Variants in FASN observed in about 807,000 individuals in gnomAD.
FASN encodes the protein fatty acid synthase, also known as 3-hydroxyacyl-[acyl-carrier-protein] dehydratase.
FASN carries 50 observed loss-of-function variants against 250.0 expected under a neutral mutation model. That is an observed-to-expected ratio of 0.20 (90% CI 0.16 to 0.25). The LOEUF (loss-of-function observed/expected upper bound fraction) is 0.25, where lower values mean the gene tolerates loss of function less well. Among genes scored for constraint, FASN ranks in the 10% least tolerant of loss-of-function variants. The pLI is 1.00. For missense variants in FASN, 3,031 were observed against 3,498.5 expected (o/e 0.87, Z 3.37); for synonymous variants, 1,909 against 1,584.0 (o/e 1.21, Z -4.87).
Position 82,079,348 on chromosome 17 carries a change from C to T in FASN, c.7398+9G>A. On this transcript the variant is annotated intron_variant, in intron 42 of 42. Coordinates refer to ENST00000306749, the MANE Select transcript of FASN (RefSeq NM_004104.5). The stretch of plus-strand genomic sequence containing the variant: ...CCCTGTCCCCGTTCCCGTCAGGCCC[C>T]TTGCGCACCTGGGAGAGGTTGTAGT... 6.2e-7 allele frequency: 1 copy of T among 1,613,100 alleles called. No individual in the cohort carries two copies. The highest frequency in any genetic ancestry group is 8.5e-7 in the Non-Finnish European group (1 of 1,179,984).
chr17:82,083,930 G>A (rs1188772485), intron 29 of FASN, 39 bp from the exon 30 acceptor site: 1 of 1,549,816 alleles, frequency 6.5e-7, no homozygotes, highest in Non-Finnish European at 8.7e-7. Context: ...AGCCAGGGCG[G>A]CGGGGCCAGG....
chr17:82,080,637 G>T, intron 39 of FASN, 47 bp from the exon 40 acceptor site: 1 of 1,551,806 alleles, frequency 6.4e-7, no homozygotes. Context: ...CGGCAGCCAC[G>T]GGCCCCGTGA....
Position 82,087,669 on chromosome 17 carries a change from T to A in FASN, c.3043+16A>T, listed in dbSNP as rs759494552. ...CCCTCCCCGGTGGCTTGGGCAGCAG[T>A]GTAGTCAGTACCCACCTTCCAGGCT... is the stretch of plus-strand genomic sequence containing the variant. On this transcript the variant is annotated intron_variant, in intron 19 of 42. Transcript: ENST00000306749. The A allele has an allele frequency of 2.5e-6, 4 of 1,610,056 alleles. No individual in the cohort carries two copies. Among genetic ancestry groups the A allele is most frequent in the Non-Finnish European group, 3.4e-6 (4 of 1,179,892 alleles).
At position 82,078,921 on chromosome 17, in the gene FASN, G is replaced by C; in HGVS notation, c.*222C>G. The C allele has an allele frequency of 3.2e-6, 2 of 630,236 alleles. No homozygotes were observed. The highest frequency in any genetic ancestry group is 3.8e-5 in the South Asian group (2 of 52,600). The allele number at this position is 630,236 out of a possible 1,614,324, so 39.0% of individuals were successfully genotyped here. A position where few individuals can be genotyped will look rare whatever the true frequency, so the allele number is the denominator to read the frequency against. ...GGCACCACCGGCTCTTCACAGACCA[G>C]GAGTCTCCAAGTCGGCAGCTCTGGT... On this transcript the variant is annotated 3_prime_UTR_variant, in exon 43 of 43. Transcript: ENST00000306749. This position sits in a 1 kb window ranked among gnomAD's most constrained non-coding sequence, Gnocchi z 5.4.
chr17:82,082,807 G>A lies in FASN; in HGVS notation c.5767+107C>T, dbSNP rs2034014631. On this transcript the variant is annotated intron_variant, in intron 33 of 42. Coordinates refer to ENST00000306749, the MANE Select transcript of FASN (RefSeq NM_004104.5). ...GCCCCCCACAAGATGGAGGGGGACA[G>A]ACCCCAGGCACCGTGACAGCCCACA... The A allele has an allele frequency of 3.2e-6, 5 of 1,546,804 alleles. No homozygotes were observed. The South Asian group carries it at 5.7e-5, about 18-fold the overall frequency.
chr17:82,090,641 G>A lies in FASN; in HGVS notation c.1681-77C>T, dbSNP rs2144801618. The A allele has an allele frequency of 4.4e-6, 6 of 1,367,672 alleles. No individual in the cohort carries two copies. The Admixed American group carries it at 9.5e-5, about 22-fold the overall frequency. 84.7% of individuals were successfully genotyped at this position (1,367,672 alleles called of 1,614,324 possible). A position where few individuals can be genotyped will look rare whatever the true frequency, so the allele number is the denominator to read the frequency against. ...TGGGGGCGGCCCCCGGCCCCACTAG[G>A]CCATCTCCACCCCCGCGCCCCATCG... On this transcript the variant is annotated intron_variant, in intron 10 of 42. Transcript: ENST00000306749.
chr17:82,094,733 G>A (rs997381892), intron 3 of FASN, among the ~76,000 whole-genome samples: 12 of 151,720 alleles, frequency 7.9e-5, no homozygotes, highest in South Asian at 4.2e-4. Flanking sequence ...AGCTTGCAGT[G>A]AGCTGAGATC....
chr17:82,093,409 G>C lies in FASN; in HGVS notation c.465C>G (p.Ile155Met), dbSNP rs764556208. 5.0e-6 allele frequency: 8 copies of C among 1,601,372 alleles called. No homozygotes were observed. The highest frequency in any genetic ancestry group is 2.2e-5 in the East Asian group (1 of 44,544). Residue 155 changes from isoleucine to methionine, a missense_variant, in exon 5 of 43, where the codon ATC (isoleucine) becomes ATG (methionine). Coordinates refer to ENST00000306749, the MANE Select transcript of FASN (RefSeq NM_004104.5). ...TGGAGGAGCAGGCTGTGTCCAGTGC[G>C]ATGCTGGGCCCTGCAAGGAAGGGTG... is the stretch of plus-strand genomic sequence containing the variant. ...SFFFDFRGPS[I>M]ALDTACSSSL...
Position 82,084,296 on chromosome 17 carries a change from G to T in FASN, c.4857C>A (p.Ala1619=). The part of the protein sequence containing the change: ...SGKRVMGLVP[A]KGLATSVLLS... ...GCAGGACAGAGGTGGCCAGGCCCTT[G>T]GCAGGCACCAGTCCCATCACACGCT... Residue 1619 remains alanine, a synonymous_variant, in exon 28 of 43, where the codon GCC becomes GCA. Coordinates refer to ENST00000306749, the MANE Select transcript of FASN (RefSeq NM_004104.5). 6.2e-7 allele frequency: 1 copy of T among 1,611,250 alleles called. No homozygotes were observed. The highest frequency in any genetic ancestry group is 8.5e-7 in the Non-Finnish European group (1 of 1,179,308).
rs1598576584 is a variant in FASN, at chr17:82,085,225, G to A, written c.4287+13C>T. On this transcript the variant is annotated intron_variant, in intron 24 of 42. Transcript: ENST00000306749. ...GAGGTGGGGTGGGGCCTGGAGGTGG[G>A]GCAGGGCCTGACCTTCAGAGACTCC... The A allele has an allele frequency of 6.2e-7, 1 of 1,612,116 alleles. No homozygotes were observed. Among genetic ancestry groups the A allele is most frequent in the Non-Finnish European group, 8.5e-7 (1 of 1,179,710 alleles).
intron 40 of FASN, 61 bp downstream of exon 40, chr17:82,080,309 A>G: frequency 6.2e-7 from 1 of 1,610,916 alleles, no homozygotes; most frequent in Non-Finnish European, 8.5e-7. Flanking sequence ...CCCCAAAGCC[A>G]GGGCACAGGT....
In FASN at chr17:82,096,421, T is replaced by C; in HGVS notation, c.25A>G (p.Met9Val). Residue 9 changes from methionine (M) to valine (V), a missense_variant, in exon 2 of 43, where the codon ATG becomes GTG. Physicochemically the swap from Met to Val is conservative, Grantham distance 21. Transcript: ENST00000306749. MEEVVIAGMSGKLPESENL... is the reference protein window; with the variant it reads MEEVVIAGVSGKLPESENL... ...TCCGACTCTGGCAGCTTCCCGGACATGCCGGCAATCACCACCTCCTCCATG... is the reference window on the plus strand; with the variant it reads ...TCCGACTCTGGCAGCTTCCCGGACACGCCGGCAATCACCACCTCCTCCATG... The C allele has an allele frequency of 2.5e-6, 4 of 1,612,618 alleles. No individual in the cohort carries two copies. Among genetic ancestry groups the C allele is most frequent in the Non-Finnish European group, 3.4e-6 (4 of 1,179,986 alleles).
chr17:82,096,916 G>A (rs1415820434), intron 1 of FASN: 1 of 258,216 alleles, frequency 3.9e-6, no homozygotes. Context: ...AGCCTGCTAA[G>A]GGCCATCAAA....
chr17:82,093,570 C>T (rs758209912), intron 4 of FASN, 28 bp downstream of exon 4: 2 of 1,612,518 alleles, frequency 1.2e-6, no homozygotes, highest in Non-Finnish European at 1.7e-6. Context: ...AGGCCACCCA[C>T]CTCCGCAGGA....
chr17:82,088,096 G>A lies in FASN; in HGVS notation c.2785+20C>T. The A allele has an allele frequency of 1.2e-6, 2 of 1,612,696 alleles. No homozygotes were observed. Among genetic ancestry groups the A allele is most frequent in the Non-Finnish European group, 1.7e-6 (2 of 1,179,910 alleles). ...CCCGCCCCCCAGCTACCCCCGCCTTGGTCCTGGGGTACCCCTCACCAGTCT... is the reference window on the plus strand; with the variant it reads ...CCCGCCCCCCAGCTACCCCCGCCTTAGTCCTGGGGTACCCCTCACCAGTCT... On this transcript the variant is annotated intron_variant, in intron 17 of 42. Coordinates refer to ENST00000306749, the MANE Select transcript of FASN (RefSeq NM_004104.5).
chr17:82,089,494 G>A lies in FASN; in HGVS notation c.1966-110C>T. 1.1e-5 allele frequency: 18 copies of A among 1,589,640 alleles called. No homozygotes were observed. In the South Asian group the frequency reaches 2.0e-4, roughly 18 times the overall value. On this transcript the variant is annotated intron_variant, in intron 12 of 42. Transcript: ENST00000306749. ...AAGGGAACCGAGAGGGAATGGGCAA[G>A]GGACCTGAGGACAAACCTGCCCCAT...
chr17:82,079,374 C>T lies in FASN; in HGVS notation c.7381G>A (p.Asp2461Asn). The stretch of plus-strand genomic sequence containing the variant: ...TTGCGCACCTGGGAGAGGTTGTAGT[C>T]CGCGCCCAGGTCCTCGCCGTAGGCG... ...GGAYGEDLGA[D>N]YNLSQVCDGK... Residue 2461 changes from aspartate to asparagine, a missense_variant, in exon 42 of 43, where the codon GAC (aspartate) becomes AAC (asparagine). Asp to Asn is a conservative substitution (Grantham distance 23). Coordinates refer to ENST00000306749, the MANE Select transcript of FASN (RefSeq NM_004104.5). The T allele has an allele frequency of 1.2e-6, 2 of 1,612,994 alleles. No individual in the cohort carries two copies. Among genetic ancestry groups the T allele is most frequent in the Non-Finnish European group, 1.7e-6 (2 of 1,179,988 alleles).
At chr17:82,080,330 G>A in intron 40 of FASN, 40 bp downstream of exon 40, 1 of 1,609,006 alleles carries the variant, frequency 6.2e-7, no homozygotes, top group Non-Finnish European at 8.5e-7. Flanking sequence ...GGGGAGCCCA[G>A]ACGTTTGCCG....
intron 10 of FASN, 70 bp downstream of exon 10, chr17:82,090,812 C>A (rs1380923836): frequency 6.6e-7 from 1 of 1,519,800 alleles, no homozygotes; most frequent in African/African-American, 1.4e-5. Flanking sequence ...AACACTGCAG[C>A]TCCTGGGCTC....
Sources: gnomAD v4.1 joint callset for allele counts (sites outside exome capture counted in the v4.1 genomes callset) on GRCh38, gnomAD v4.1.1 for gene constraint, Gnocchi (gnomAD v3.1) non-coding constraint, MANE v1.5 for transcripts, NCBI Gene and HGNC (gene_info 2026-07-23, HGNC 2026-07-21) for gene names.